UBE2E2: variants seen among roughly 807,000 people sequenced by gnomAD.
UBE2E2 encodes ubiquitin conjugating enzyme E2 E2, also known as ubiquitin-conjugating enzyme E2 E2.
UBE2E2 carries 6 observed loss-of-function variants against 24.7 expected under a neutral mutation model. The ratio of observed to expected loss-of-function variants is 0.24; its 90% CI spans 0.13 to 0.48. UBE2E2 has a LOEUF of 0.48. Among genes scored for constraint, UBE2E2 ranks in the 20% least tolerant of loss-of-function variants. The pLI is 0.99. For missense variants in UBE2E2, 169 were observed against 245.0 expected (o/e 0.69, Z 2.07); for synonymous variants, 104 against 83.6 (o/e 1.24, Z -1.33).
intron 3 of UBE2E2, among the ~76,000 whole-genome samples, chr3:23,234,847 A>G (rs1335302103): frequency 6.6e-6 from 1 of 152,194 alleles, no homozygotes; most frequent in Non-Finnish European, 1.5e-5. Flanking sequence ...AGAAATTAAT[A>G]GGGAAATCTG....
At chr3:23,208,336 C>T (rs1696209170) in intron 1 of UBE2E2, among the ~76,000 whole-genome samples, 1 of 152,140 alleles carries the variant, frequency 6.6e-6, no homozygotes, top group South Asian at 2.1e-4. Flanking sequence ...AGCATGTAGA[C>T]ACAGTACTTC....
chr3:23,474,620 A>G lies in UBE2E2; in HGVS notation c.228-24988A>G, dbSNP rs1208647557. Among the ~76,000 whole-genome samples the G allele has an allele frequency of 6.6e-6, 1 of 152,104 alleles. No homozygotes were observed. The highest frequency in any genetic ancestry group is 1.5e-5 in the Non-Finnish European group (1 of 68,030). The stretch of plus-strand genomic sequence containing the variant: ...AAAGTTTAAATTTATATATGGTCAC[A>G]TTTACCCTGGTCACACAACTGGAAT... On this transcript the variant is annotated intron_variant, in intron 3 of 5. Transcript: ENST00000396703. This position sits in a 1 kb window ranked among gnomAD's most constrained non-coding sequence, Gnocchi z 4.0.
chr3:23,288,701 A>G (rs1417631128), intron 3 of UBE2E2, among the ~76,000 whole-genome samples: 2 of 150,516 alleles, frequency 1.3e-5, no homozygotes, highest in African/African-American at 2.4e-5. Flanking sequence ...TTTGAAATCT[A>G]TTTTGTCTGT....
Position 23,591,612 on chromosome 3 carries a change from T to C in UBE2E2, c.*1781T>C, listed in dbSNP as rs1382586160. 1.3e-5 allele frequency: 2 copies of C among 152,220 alleles called. No homozygotes were observed. Among genetic ancestry groups the C allele is most frequent in the South Asian group, 2.1e-4 (1 of 4,836 alleles). 9.4% of individuals were successfully genotyped at this position (152,220 alleles called of 1,614,324 possible). A position where few individuals can be genotyped will look rare whatever the true frequency, so the allele number is the denominator to read the frequency against. ...GAGCCACAGACAGTACATAAATGCA[T>C]TGGGCAGAGCTATATTCCAGTGAAA... On this transcript the variant is annotated 3_prime_UTR_variant, in exon 6 of 6. Coordinates refer to ENST00000396703, the MANE Select transcript of UBE2E2 (RefSeq NM_152653.4).
At chr3:23,376,875 T>C (rs947578767) in intron 3 of UBE2E2, among the ~76,000 whole-genome samples, 5 of 152,168 alleles carry the variant, frequency 3.3e-5, no homozygotes, top group African/African-American at 1.2e-4. Flanking sequence ...TCTGATAAGG[T>C]GTGATGTGAC....
At chr3:23,570,541 T>C (rs1041198800) in intron 5 of UBE2E2, among the ~76,000 whole-genome samples, 1 of 152,214 alleles carries the variant, frequency 6.6e-6, no homozygotes, top group Admixed American at 6.5e-5. Context: ...CAGTAAACAA[T>C]GTATAATAAA....
In UBE2E2 at chr3:23,256,334, G is replaced by C. The variant is rs557309962; in HGVS notation, c.227+39022G>C. Among the ~76,000 whole-genome samples the C allele has an allele frequency of 2.0e-5, 3 of 152,160 alleles. 1 individual carries two copies. The highest frequency in any genetic ancestry group is 7.2e-5 in the African/African-American group (3 of 41,540). ...CATTTGTACATCTAAGTAAAATATT[G>C]TTACTGCCTTGTCATATTTGAATAC... On this transcript the variant is annotated intron_variant, in intron 3 of 5. Coordinates refer to ENST00000396703, the MANE Select transcript of UBE2E2 (RefSeq NM_152653.4).
At position 23,265,256 on chromosome 3, in the gene UBE2E2, G is replaced by A. The variant is rs192550928; in HGVS notation, c.227+47944G>A. Among the ~76,000 whole-genome samples, 62 of 152,298 alleles carry A rather than the reference G, an allele frequency of 4.1e-4. 1 individual carries two copies. The East Asian group carries it at 0.011, about 27-fold the overall frequency. On this transcript the variant is annotated intron_variant, in intron 3 of 5. Coordinates refer to ENST00000396703, the MANE Select transcript of UBE2E2 (RefSeq NM_152653.4). ...CAAGGTGAGTATGGTTGAACTTGAA[G>A]GGGATGGAATTCAGATCATTGAGGG...
intron 3 of UBE2E2, among the ~76,000 whole-genome samples, chr3:23,296,362 C>T (rs910744482): frequency 1.3e-5 from 2 of 151,918 alleles, no homozygotes; most frequent in Admixed American, 6.6e-5. Flanking sequence ...ATGTGCACGA[C>T]GTGCAGGTTT....
intron 3 of UBE2E2, among the ~76,000 whole-genome samples, chr3:23,239,162 A>C (rs373852723): frequency 6.6e-6 from 1 of 152,052 alleles, no homozygotes; most frequent in African/African-American, 2.4e-5. Flanking sequence ...CTCATTCTCA[A>C]CCTCAGTTAT....
At chr3:23,333,303 T>C (rs1457393495) in intron 3 of UBE2E2, among the ~76,000 whole-genome samples, 1 of 152,238 alleles carries the variant, frequency 6.6e-6, no homozygotes, top group East Asian at 1.9e-4. Flanking sequence ...ATGATATTTA[T>C]CTATGTCTCT....
At chr3:23,393,679 C>T (rs537426510) in intron 3 of UBE2E2, among the ~76,000 whole-genome samples, 1 of 152,222 alleles carries the variant, frequency 6.6e-6, no homozygotes, top group South Asian at 2.1e-4. Flanking sequence ...AATGCTTTCA[C>T]ATAGGGGTCA....
At chr3:23,295,551 A>G (rs1698886708) in intron 3 of UBE2E2, among the ~76,000 whole-genome samples, 2 of 152,174 alleles carry the variant, frequency 1.3e-5, no homozygotes, top group Admixed American at 1.3e-4. Flanking sequence ...TGTTTAATGT[A>G]ATCAGATCTT....
At chr3:23,340,013 A>G (rs1695337113) in intron 3 of UBE2E2, among the ~76,000 whole-genome samples, 1 of 152,062 alleles carries the variant, frequency 6.6e-6, no homozygotes, top group Admixed American at 6.6e-5. Flanking sequence ...AATACTGTGA[A>G]TTTTCAGTTG....
chr3:23,230,971 A>C (rs994816039), intron 3 of UBE2E2, among the ~76,000 whole-genome samples: 19 of 152,058 alleles, frequency 1.2e-4, no homozygotes, highest in Non-Finnish European at 2.6e-4. Flanking sequence ...TTTTTGCTTG[A>C]TAAAAGCCTT....
At chr3:23,559,643 T>C (rs1377063227) in intron 5 of UBE2E2, among the ~76,000 whole-genome samples, 1 of 152,176 alleles carries the variant, frequency 6.6e-6, no homozygotes, top group Non-Finnish European at 1.5e-5. Context: ...TTTCTTTTTG[T>C]ACAATGTTGA....
chr3:23,462,569 G>C (rs1441360015), intron 3 of UBE2E2, among the ~76,000 whole-genome samples: 1 of 152,106 alleles, frequency 6.6e-6, no homozygotes, highest in East Asian at 1.9e-4. Context: ...CTCTTTGCTA[G>C]GCACCAGTCT....
chr3:23,283,166 G>A (rs1698526302), intron 3 of UBE2E2, among the ~76,000 whole-genome samples: 1 of 152,066 alleles, frequency 6.6e-6, no homozygotes, highest in Non-Finnish European at 1.5e-5. Context: ...GTAAGTTCAG[G>A]TTAGTAGGTG....
chr3:23,356,006 A>G lies in UBE2E2; in HGVS notation c.227+138694A>G, dbSNP rs1159056765. 5.9e-5 allele frequency among the ~76,000 whole-genome samples: 9 copies of G among 152,218 alleles called. 1 individual carries two copies. The South Asian group carries it at 1.4e-3, about 25-fold the overall frequency. Reference sequence around the variant, plus strand: ...AACTGATTGAATTGATTACTTCATTAAAGCTAGAAATACAGATCTGATGAG... The same window carrying G: ...AACTGATTGAATTGATTACTTCATTGAAGCTAGAAATACAGATCTGATGAG... On this transcript the variant is annotated intron_variant, in intron 3 of 5. Transcript: ENST00000396703.
Sources: gnomAD v4.1 joint callset for allele counts (sites outside exome capture counted in the v4.1 genomes callset) on GRCh38, gnomAD v4.1.1 for gene constraint, Gnocchi (gnomAD v3.1) non-coding constraint, MANE v1.5 for transcripts, NCBI Gene and HGNC (gene_info 2026-07-23, HGNC 2026-07-21) for gene names.